Variants in TNIP3 observed in about 807,000 individuals in gnomAD.
TNIP3 encodes the protein TNFAIP3-interacting protein 3.
In TNIP3, 34 loss-of-function variants were observed where a neutral mutation model predicts 54.1. The ratio of observed to expected loss-of-function variants is 0.63; its 90% CI spans 0.48 to 0.84. TNIP3 has a LOEUF of 0.84. Among genes scored for constraint, TNIP3 ranks in the 40% least tolerant of loss-of-function variants. TNIP3 has a pLI of 0.00. For missense variants in TNIP3, 366 were observed against 387.6 expected (o/e 0.94, Z 0.47); for synonymous variants, 134 against 136.8 (o/e 0.98, Z 0.14).
upstream of TNIP3, among the ~76,000 whole-genome samples, chr4:121,216,955 A>G (rs905553191): frequency 3.3e-5 from 5 of 152,300 alleles, no homozygotes; most frequent in African/African-American, 1.2e-4. Flanking sequence ...TTTTTCTCCA[A>G]CAGGAGTTTA....
chr4:121,168,812 TGAG>T (rs1487539138), upstream of TNIP3, among the ~76,000 whole-genome samples: 1 of 152,194 alleles, frequency 6.6e-6, no homozygotes, highest in Non-Finnish European at 1.5e-5. Flanking sequence ...TTTTTCAAAA[TGAG>T]GACTTTAATA....
chr4:121,154,179 T>A (rs768813975), intron 5 of TNIP3: 2 of 276,436 alleles, frequency 7.2e-6, no homozygotes, highest in Non-Finnish European at 1.4e-5. Context: ...TCCATAGTGA[T>A]CATTTTAAAG....
intron 7 of TNIP3, 73 bp from the exon 8 acceptor site, chr4:121,142,849 A>T: frequency 7.5e-7 from 1 of 1,333,960 alleles, no homozygotes; most frequent in Non-Finnish European, 1.1e-6. Context: ...CTCTTGACCT[A>T]CTCAAGTGTC....
chr4:121,212,324 G>A (rs1726518060), intron 2 of TNIP3, among the ~76,000 whole-genome samples: 1 of 152,100 alleles, frequency 6.6e-6, no homozygotes. Context: ...AAAGCTCCTT[G>A]TCTCAAATCT....
intron 3 of TNIP3, among the ~76,000 whole-genome samples, chr4:121,180,399 C>G (rs1724621396): frequency 6.8e-6 from 1 of 147,844 alleles, no homozygotes; most frequent in African/African-American, 2.5e-5. Flanking sequence ...GACTCCGCCT[C>G]AGAAAAAAAA....
upstream of TNIP3, among the ~76,000 whole-genome samples, chr4:121,218,937 C>T (rs147761529): frequency 5.7e-3 from 872 of 152,288 alleles, 13 homozygotes; most frequent in African/African-American, 0.02. Flanking sequence ...TGGTGGCTCA[C>T]GCCTGTAATC....
chr4:121,145,130 A>C (rs1008030700), intron 7 of TNIP3, among the ~76,000 whole-genome samples: 7 of 152,206 alleles, frequency 4.6e-5, no homozygotes, highest in Admixed American at 6.5e-5. Flanking sequence ...ATATTCCTCT[A>C]AAAGTCCACT....
chr4:121,174,850 C>G (rs970404468), intron 3 of TNIP3, among the ~76,000 whole-genome samples: 1 of 152,184 alleles, frequency 6.6e-6, no homozygotes, highest in Non-Finnish European at 1.5e-5. Flanking sequence ...CACGAACATT[C>G]TTCAGCAAGA....
At chr4:121,208,279 T>C (rs1579495812) in intron 2 of TNIP3, among the ~76,000 whole-genome samples, 1 of 152,278 alleles carries the variant, frequency 6.6e-6, no homozygotes. Flanking sequence ...ACATCAAGAT[T>C]CGAAATCTCC....
intron 2 of TNIP3, chr4:121,182,879 T>C (rs1724796262): frequency 1.5e-6 from 2 of 1,375,720 alleles, no homozygotes; most frequent in Admixed American, 2.2e-5. Context: ...ATGGATGACA[T>C]GGAGGTGTTA....
At chr4:121,174,303 G>T (rs1259546984) in intron 3 of TNIP3, among the ~76,000 whole-genome samples, 1 of 152,114 alleles carries the variant, frequency 6.6e-6, no homozygotes, top group Non-Finnish European at 1.5e-5. Context: ...ACTTTGGGAG[G>T]CTGAGACTGG....
rs193032100 is a variant in TNIP3 at position 121,200,144 on chromosome 4, C to T, written c.68+16271G>A. Among the ~76,000 whole-genome samples the T allele has an allele frequency of 4.7e-3, 710 of 152,134 alleles. 6 individuals carry two copies. The highest frequency in any genetic ancestry group is 0.016 in the African/African-American group (666 of 41,494). Reference sequence around the variant, plus strand: ...GTTCACTGGGTTCCTTTACTGCCCCCACATGGGCACAGACATGCTAAGGGA... The same window carrying T: ...GTTCACTGGGTTCCTTTACTGCCCCTACATGGGCACAGACATGCTAAGGGA... On this transcript the variant is annotated intron_variant, in intron 2 of 12. Transcript: ENST00000507879.
rs1728510229 is a variant in TNIP3 at position 121,132,213 on chromosome 4, A to AC, written c.*417_*418insG. 6.8e-6 allele frequency: 1 copy of AC among 146,902 alleles called. No individual in the cohort carries two copies. The highest frequency in any genetic ancestry group is 1.5e-5 in the Non-Finnish European group (1 of 67,246). The allele number at this position is 146,902 out of a possible 1,614,324, so 9.1% of individuals were successfully genotyped here. A position where few individuals can be genotyped will look rare whatever the true frequency, so the allele number is the denominator to read the frequency against. On this transcript the variant is annotated 3_prime_UTR_variant, in exon 11 of 11. Coordinates refer to ENST00000057513, the MANE Select transcript of TNIP3 (RefSeq NM_024873.6). ...AACTGCAGAAATTTTTACCCCAGGA[A>AC]ACACACACACACACACACACACACA... is the stretch of plus-strand genomic sequence containing the variant.
chr4:121,157,378 A>G, intron 3 of TNIP3, 135 bp from the exon 4 acceptor site: 1 of 1,065,036 alleles, frequency 9.4e-7, no homozygotes, highest in Middle Eastern at 2.7e-4. Flanking sequence ...TCTAGCTCCC[A>G]CCGTCCCGAA....
intron 3 of TNIP3, among the ~76,000 whole-genome samples, chr4:121,181,580 A>G (rs916189560): frequency 6.6e-6 from 1 of 151,902 alleles, no homozygotes; most frequent in Admixed American, 6.6e-5. Flanking sequence ...GAGGTACAGG[A>G]GTATCCACAG....
chr4:121,222,516 C>A (rs1014467864), intron 1 of TNIP3, among the ~76,000 whole-genome samples: 1 of 152,106 alleles, frequency 6.6e-6, no homozygotes, highest in Non-Finnish European at 1.5e-5. Flanking sequence ...TAACACTTCC[C>A]TTCTTCAAGG....
At chr4:121,173,977 A>C (rs1482902471) in intron 3 of TNIP3, among the ~76,000 whole-genome samples, 1 of 152,194 alleles carries the variant, frequency 6.6e-6, no homozygotes, top group African/African-American at 2.4e-5. Context: ...TTGTCTGTGG[A>C]CCAAGTATTG....
intron 3 of TNIP3, among the ~76,000 whole-genome samples, chr4:121,174,298 G>A (rs1270809087): frequency 6.6e-6 from 1 of 152,104 alleles, no homozygotes; most frequent in Non-Finnish European, 1.5e-5. Flanking sequence ...CGACCACTTT[G>A]GGAGGCTGAG....
rs1215101928 is a variant in TNIP3, at chr4:121,161,222, A to G, written c.67-6T>C. The G allele has an allele frequency of 9.5e-6, 9 of 949,722 alleles. No homozygotes were observed. Among genetic ancestry groups the G allele is most frequent in the African/African-American group, 3.5e-5 (2 of 57,812 alleles). The allele number at this position is 949,722 out of a possible 1,614,324, so 58.8% of individuals were successfully genotyped here. A position where few individuals can be genotyped will look rare whatever the true frequency, so the allele number is the denominator to read the frequency against. ...CTTGTTGATGGTTCAGCACACTTAG[A>G]AAAAAAAAAAGAGAGAAGATTGAAA... On this transcript the variant is annotated splice_region_variant and splice_polypyrimidine_tract_variant and intron_variant, in intron 1 of 10. Transcript: ENST00000057513.
Sources: gnomAD v4.1 joint callset for allele counts (sites outside exome capture counted in the v4.1 genomes callset) on GRCh38, gnomAD v4.1.1 for gene constraint, MANE v1.5 for transcripts, NCBI Gene and HGNC (gene_info 2026-07-23, HGNC 2026-07-21) for gene names.